The following SPINK5 variants were observed in gnomAD, a reference collection of about 807,000 sequenced individuals.
SPINK5 encodes serine protease inhibitor Kazal-type 5.
In SPINK5, 125 loss-of-function variants were observed where a neutral mutation model predicts 151.8. That is an observed-to-expected ratio of 0.82 (90% CI 0.71 to 0.96). The LOEUF (loss-of-function observed/expected upper bound fraction) is 0.96. SPINK5 is among the 40% of genes least tolerant of loss of function. The pLI is 0.00. For synonymous variants in SPINK5, 374 were observed against 395.3 expected (o/e 0.95, Z 0.64); for missense variants, 1,194 against 1,291.9 (o/e 0.92, Z 1.16).
chr5:148,123,511 C>CCG lies in SPINK5; in HGVS notation c.2539-322_2539-321insCG, dbSNP rs752672114. 9.9e-3 allele frequency among the ~76,000 whole-genome samples: 527 copies of CCG among 53,324 alleles called. 12 individuals carry two copies. Among genetic ancestry groups the CCG allele is most frequent in the African/African-American group, 0.045 (510 of 11,248 alleles). The allele number at this position is 53,324 out of a possible 152,430, so 35.0% of individuals were successfully genotyped here. On this transcript the variant is annotated intron_variant, in intron 26 of 32. Transcript: ENST00000256084. ...TTGTCCAGCCTGGAGTGCAGTGGTG[C>CCG]AATATATGTGTATATATATATATAT...
At chr5:148,125,937 G>A in intron 29 of SPINK5, 87 bp downstream of exon 29, 2 of 1,578,712 alleles carry the variant, frequency 1.3e-6, no homozygotes, top group East Asian at 2.2e-5. Flanking sequence ...GTATATTTAT[G>A]AACCCCATGG....
intron 1 of SPINK5, among the ~76,000 whole-genome samples, chr5:148,065,096 C>T (rs1752542630): frequency 6.6e-6 from 1 of 152,232 alleles, no homozygotes; most frequent in Admixed American, 6.5e-5. Flanking sequence ...TTAGAATTCA[C>T]ATGAGTATTA....
chr5:148,085,535 G>C (rs994760901), intron 4 of SPINK5, among the ~76,000 whole-genome samples: 1 of 151,882 alleles, frequency 6.6e-6, no homozygotes, highest in African/African-American at 2.4e-5. Flanking sequence ...CTGGAATGTA[G>C]GTAGGGTGTG....
At position 148,073,814 on chromosome 5, in the gene SPINK5, TCACACACACACACACA is replaced by T. The variant is rs67549762; in HGVS notation, c.282+1627_282+1642del. Reference sequence around the variant, plus strand: ...TTTTTGTTAATATATTATGCCTGAGTCACACACACACACACACACACACACACACACACACACACAC... The same window carrying T: ...TTTTTGTTAATATATTATGCCTGAGTCACACACACACACACACACACACAC... On this transcript the variant is annotated intron_variant, in intron 4 of 32. Coordinates refer to ENST00000256084, the MANE Select transcript of SPINK5 (RefSeq NM_006846.4). Among the ~76,000 whole-genome samples, 184 of 113,808 alleles carry T rather than the reference TCACACACACACACACA, an allele frequency of 1.6e-3. 1 individual carries two copies. Among genetic ancestry groups the T allele is most frequent in the African/African-American group, 4.1e-3 (121 of 29,856 alleles). 74.7% of individuals were successfully genotyped at this position (113,808 alleles called of 152,430 possible).
At chr5:148,123,746 T>G (rs1561704094) in intron 26 of SPINK5, 87 bp from the exon 27 acceptor site, 41 of 1,575,282 alleles carry the variant, frequency 2.6e-5, no homozygotes, top group Non-Finnish European at 3.4e-5. Flanking sequence ...TCCTGTGTTA[T>G]GAGTTTATAT....
intron 23 of SPINK5, 102 bp downstream of exon 23, chr5:148,118,666 T>G (rs1754167557): frequency 2.0e-6 from 3 of 1,488,970 alleles, no homozygotes. Context: ...CAAATTATTC[T>G]TTTTGCTAAT....
rs184499171 is a variant in SPINK5 at position 148,083,640 on chromosome 5, C to G, written c.283-2765C>G. On this transcript the variant is annotated intron_variant, in intron 4 of 32. Transcript: ENST00000256084. ...CTCTCCAAATGTATGTTAATCCACTCTCCATATATTTTCTGTAAATATAAT... is the reference window on the plus strand; with the variant it reads ...CTCTCCAAATGTATGTTAATCCACTGTCCATATATTTTCTGTAAATATAAT... 8.6e-5 allele frequency among the ~76,000 whole-genome samples: 13 copies of G among 151,586 alleles called. No homozygotes were observed. The East Asian group carries it at 2.3e-3, about 27-fold the overall frequency.
rs190386558 is a variant in SPINK5 at position 148,120,232 on chromosome 5, G to A, written c.2442-63G>A. Reference sequence around the variant, plus strand: ...GAAAATGACAATTGTTTTAGAAGCAGATCTGGTAATTAATGAGGCGTTTGT... The same window carrying A: ...GAAAATGACAATTGTTTTAGAAGCAAATCTGGTAATTAATGAGGCGTTTGT... On this transcript the variant is annotated intron_variant, in intron 25 of 32. Transcript: ENST00000256084. 560 of 1,609,044 alleles carry A rather than the reference G, an allele frequency of 3.5e-4. 6 individuals carry two copies. In the East Asian group the frequency reaches 0.012, roughly 33 times the overall value.
At chr5:148,099,501 C>CA (rs3214448) in intron 12 of SPINK5, among the ~76,000 whole-genome samples, 186 bp downstream of exon 12, 203 of 141,646 alleles carry the variant, frequency 1.4e-3, no homozygotes, top group East Asian at 0.012. Context: ...ACTAACTCTG[C>CA]AAAAAAAAAA....
intron 29 of SPINK5, among the ~76,000 whole-genome samples, chr5:148,126,418 A>G (rs1754432377): frequency 6.6e-6 from 1 of 152,116 alleles, no homozygotes; most frequent in South Asian, 2.1e-4. Flanking sequence ...GAATTACCAA[A>G]TACTACTCCC....
chr5:148,077,256 G>T (rs1195677398), intron 4 of SPINK5, among the ~76,000 whole-genome samples: 1 of 149,930 alleles, frequency 6.7e-6, no homozygotes, highest in African/African-American at 2.4e-5. Flanking sequence ...CTATATACAG[G>T]CTGTATACAA....
At chr5:148,129,979 C>T (rs1454777481) in intron 30 of SPINK5, among the ~76,000 whole-genome samples, 1 of 152,014 alleles carries the variant, frequency 6.6e-6, no homozygotes, top group Non-Finnish European at 1.5e-5. Context: ...TATATGTTTT[C>T]TTGACTCTGG....
chr5:148,084,598 G>A (rs564056591), intron 4 of SPINK5, among the ~76,000 whole-genome samples: 1 of 152,004 alleles, frequency 6.6e-6, no homozygotes, highest in South Asian at 2.1e-4. Context: ...GGGGATAGTA[G>A]TGATTGTTTT....
intron 27 of SPINK5, 113 bp from the exon 28 acceptor site, chr5:148,124,652 A>G: frequency 1.3e-6 from 1 of 742,106 alleles, no homozygotes; most frequent in Non-Finnish European, 2.0e-6. Flanking sequence ...TTTAGGTATA[A>G]GAAAACAGTG....
chr5:148,097,986 A>G lies in SPINK5; in HGVS notation c.1002A>G (p.Gln334=), dbSNP rs376414452. Residue 334 remains glutamine (Q), a synonymous_variant, in exon 11 of 33, where the codon CAA becomes CAG. Transcript: ENST00000256084. The part of the protein sequence containing the change: ...KMHGNLCSMC[Q]AYFQAENEEK... ...ATGGCAACTTGTGTTCCATGTGTCA[A>G]GCCTACTTGTGAGTATAGAGTTTTA... The G allele has an allele frequency of 1.2e-6, 2 of 1,611,818 alleles. No individual in the cohort carries two copies. Among genetic ancestry groups the G allele is most frequent in the African/African-American group, 2.7e-5 (2 of 74,812 alleles).
At chr5:148,121,320 C>T (rs6883868) in intron 26 of SPINK5, among the ~76,000 whole-genome samples, 81,808 of 151,162 alleles carry the variant, frequency 0.54, 23,244 homozygotes, top group Admixed American at 0.64. Flanking sequence ...TCTTTTAATG[C>T]ACCGACGGAC....
At chr5:148,096,198 G>C (rs1464958251) in intron 10 of SPINK5, among the ~76,000 whole-genome samples, 2 of 151,922 alleles carry the variant, frequency 1.3e-5, no homozygotes, top group African/African-American at 4.8e-5. Context: ...TGAATTCAAA[G>C]TGTGATATGT....
At chr5:148,114,204 T>C (rs979278814) in intron 20 of SPINK5, among the ~76,000 whole-genome samples, 158 bp from the exon 21 acceptor site, 2 of 152,040 alleles carry the variant, frequency 1.3e-5, no homozygotes, top group Non-Finnish European at 1.5e-5. Context: ...TCTTAAGTCC[T>C]TTGTGTTTAA....
At chr5:148,107,757 C>T (rs1753819656) in intron 17 of SPINK5, among the ~76,000 whole-genome samples, 1 of 152,132 alleles carries the variant, frequency 6.6e-6, no homozygotes, top group Non-Finnish European at 1.5e-5. Context: ...GGTTCATGGC[C>T]TTCTAAGGTC....
Sources: allele counts gnomAD v4.1 joint callset (sites outside exome capture counted in the v4.1 genomes callset), GRCh38; gene constraint gnomAD v4.1.1; transcripts MANE v1.5; gene names NCBI Gene and HGNC (gene_info 2026-07-23, HGNC 2026-07-21).